Variants in ELAVL1 observed in about 807,000 individuals in gnomAD.
The protein encoded by ELAVL1 is ELAV-like protein 1.
In ELAVL1, 1 loss-of-function variant was observed where a neutral mutation model predicts 28.4. The observed-to-expected ratio is 0.04, with a 90% CI of 0.01 to 0.17. The LOEUF (loss-of-function observed/expected upper bound fraction) is 0.17, where lower values mean the gene tolerates loss of function less well. ELAVL1 is among the 10% of genes least tolerant of loss of function. ELAVL1 has a pLI of 1.00. For missense variants in ELAVL1, 157 were observed against 447.2 expected (o/e 0.35, Z 5.85); for synonymous variants, 174 against 183.5 (o/e 0.95, Z 0.42).
Position 7,962,216 on chromosome 19 carries a change from A to G in ELAVL1, c.*1267T>C, listed in dbSNP as rs956652451. ...ACGACTCCTCCCTGAATGCTGGGCC[A>G]CCTGCACCTTCCCTAGCCAAAAAGA... On this transcript the variant is annotated 3_prime_UTR_variant, in exon 6 of 6. Coordinates refer to ENST00000407627, the MANE Select transcript of ELAVL1 (RefSeq NM_001419.3). The G allele has an allele frequency of 6.5e-6, 1 of 153,764 alleles. No homozygotes were observed. Among genetic ancestry groups the G allele is most frequent in the African/African-American group, 2.4e-5 (1 of 41,444 alleles). 9.5% of individuals were successfully genotyped at this position (153,764 alleles called of 1,614,324 possible).
chr19:7,976,019 G>A (rs141563524), intron 3 of ELAVL1, among the ~76,000 whole-genome samples: 1,564 of 151,910 alleles, frequency 0.01, 16 homozygotes, highest in Non-Finnish European at 0.016. Flanking sequence ...CCTGAGCTCA[G>A]GAGTTTGAGG....
rs145068905 is a variant in ELAVL1 at position 7,981,314 on chromosome 19, C to A, written c.173-128G>T. 358 of 727,044 alleles carry A rather than the reference C, an allele frequency of 4.9e-4. 3 individuals are homozygous for A. The African/African-American group carries it at 5.9e-3, about 12-fold the overall frequency. 45.0% of individuals were successfully genotyped at this position (727,044 alleles called of 1,614,324 possible). A position where few individuals can be genotyped will look rare whatever the true frequency, so the allele number is the denominator to read the frequency against. Reference sequence around the variant, plus strand: ...TACAGGTGCTAGCAAACTTTATTTTCTTTGGCAAACACGTACATTTTCTGC... The same window carrying A: ...TACAGGTGCTAGCAAACTTTATTTTATTTGGCAAACACGTACATTTTCTGC... On this transcript the variant is annotated intron_variant, in intron 2 of 5. Coordinates refer to ENST00000407627, the MANE Select transcript of ELAVL1 (RefSeq NM_001419.3). The surrounding 1 kb of genome is among the most constrained non-coding windows in gnomAD (Gnocchi z 4.2).
intron 3 of ELAVL1, among the ~76,000 whole-genome samples, chr19:7,975,220 C>T (rs1985247317): frequency 6.6e-6 from 1 of 152,214 alleles, no homozygotes; most frequent in South Asian, 2.1e-4. Flanking sequence ...TCCGGGCTTG[C>T]CCTGGCTCCC....
chr19:7,963,818 G>A lies in ELAVL1; in HGVS notation c.657-11C>T. On this transcript the variant is annotated splice_polypyrimidine_tract_variant and intron_variant, in intron 5 of 5. Coordinates refer to ENST00000407627, the MANE Select transcript of ELAVL1 (RefSeq NM_001419.3). This position sits in a 1 kb window ranked among gnomAD's most constrained non-coding sequence, Gnocchi z 4.5. ...CCCATGGGGGAGAACCTGGCAGACAGAGAGCAAGCGTCAGGCCACGGTCAG... is the reference window on the plus strand; with the variant it reads ...CCCATGGGGGAGAACCTGGCAGACAAAGAGCAAGCGTCAGGCCACGGTCAG... 1 of 1,611,136 alleles carries A rather than the reference G, an allele frequency of 6.2e-7. No homozygotes were observed. The highest frequency in any genetic ancestry group is 2.2e-5 in the East Asian group (1 of 44,812).
At chr19:7,984,755 G>A (rs555184852) in intron 2 of ELAVL1, among the ~76,000 whole-genome samples, 4 of 152,342 alleles carry the variant, frequency 2.6e-5, no homozygotes, top group African/African-American at 9.6e-5. Context: ...AGGGATGAAG[G>A]TGCCCTGGTT....
In ELAVL1 at chr19:7,958,638, C is replaced by T. The variant is rs531603175; in HGVS notation, c.*4845G>A. 6 of 152,276 alleles carry T rather than the reference C, an allele frequency of 3.9e-5. No individual in the cohort carries two copies. Among genetic ancestry groups the T allele is most frequent in the East Asian group, 1.9e-4 (1 of 5,184 alleles). 9.4% of individuals were successfully genotyped at this position (152,276 alleles called of 1,614,324 possible). The stretch of plus-strand genomic sequence containing the variant: ...AATTCCAGTCATAGTTAACATACAG[C>T]GTTTAACACGAACCTGATACCTGTA... On this transcript the variant is annotated 3_prime_UTR_variant, in exon 6 of 6. Coordinates refer to ENST00000407627, the MANE Select transcript of ELAVL1 (RefSeq NM_001419.3).
chr19:7,971,582 C>G (rs1305716679), intron 4 of ELAVL1, among the ~76,000 whole-genome samples: 3 of 152,254 alleles, frequency 2.0e-5, no homozygotes, highest in Non-Finnish European at 1.5e-5. Context: ...CTGGTGCAGA[C>G]CAGGGGAGTT....
chr19:7,980,988 T>TA, intron 3 of ELAVL1, 95 bp downstream of exon 3: 1 of 1,255,820 alleles, frequency 8.0e-7, no homozygotes, highest in South Asian at 1.2e-5. Flanking sequence ...GCTGTGCTCA[T>TA]AGTCCCTTGG....
intron 1 of ELAVL1, among the ~76,000 whole-genome samples, chr19:7,998,205 T>A (rs1319001259): frequency 6.6e-6 from 1 of 152,154 alleles, no homozygotes; most frequent in East Asian, 1.9e-4. Context: ...TCATCAATCC[T>A]GGGCCAAATC....
intron 3 of ELAVL1, among the ~76,000 whole-genome samples, chr19:7,977,221 G>A (rs1002737839): frequency 3.3e-5 from 5 of 152,154 alleles, no homozygotes; most frequent in African/African-American, 1.2e-4. Context: ...CTGCTGTTCT[G>A]GTTCCTGAGG....
chr19:7,994,220 G>A (rs956367457), intron 1 of ELAVL1, among the ~76,000 whole-genome samples: 1 of 151,894 alleles, frequency 6.6e-6, no homozygotes, highest in African/African-American at 2.4e-5. Flanking sequence ...TTCACACTGG[G>A]CCATTCTGCC....
intron 1 of ELAVL1, 88 bp from the exon 2 acceptor site, chr19:7,991,919 A>AT: frequency 2.2e-6 from 2 of 905,920 alleles, no homozygotes; most frequent in Admixed American, 3.7e-5. Context: ...GCACTTAGAG[A>AT]TTTTCTTTCT....
At position 7,962,749 on chromosome 19, in the gene ELAVL1, C is replaced by A. The variant is rs760956269; in HGVS notation, c.*734G>T. The A allele has an allele frequency of 6.5e-6, 1 of 152,714 alleles. No individual in the cohort carries two copies. Among genetic ancestry groups the A allele is most frequent in the Non-Finnish European group, 1.5e-5 (1 of 68,060 alleles). 9.5% of individuals were successfully genotyped at this position (152,714 alleles called of 1,614,324 possible). A position where few individuals can be genotyped will look rare whatever the true frequency, so the allele number is the denominator to read the frequency against. ...GTCAGAGTAGCAACACATCTTCAGGCGTGCCTGGAGCTTAGATCTGACTCT... is the reference window on the plus strand; with the variant it reads ...GTCAGAGTAGCAACACATCTTCAGGAGTGCCTGGAGCTTAGATCTGACTCT... On this transcript the variant is annotated 3_prime_UTR_variant, in exon 6 of 6. Transcript: ENST00000407627.
intron 4 of ELAVL1, among the ~76,000 whole-genome samples, chr19:7,972,125 C>T (rs56204704): frequency 0.06 from 9,170 of 152,328 alleles, 289 homozygotes; most frequent in Non-Finnish European, 0.07. Flanking sequence ...ACCCATACAA[C>T]GCATGGGCCT....
At chr19:7,997,875 T>G (rs548739753) in intron 1 of ELAVL1, among the ~76,000 whole-genome samples, 5 of 152,096 alleles carry the variant, frequency 3.3e-5, no homozygotes, top group South Asian at 2.1e-4. Context: ...CACTAGAGCC[T>G]GGGAGGTCAA....
rs1984872238 is a variant in ELAVL1, at chr19:7,963,708, C to T, written c.756G>A (p.Gly252=). The change falls in exon 6 of 6, where the codon GGG becomes GGA. Residue 252 remains glycine, a synonymous_variant. Transcript: ENST00000407627. This position sits in a 1 kb window ranked among gnomAD's most constrained non-coding sequence, Gnocchi z 4.5. ...AGAGGATCCCCTCGTCGGCATCCTG[C>T]CCCAGGTTGTAGATGAAAATGCACC... ...SGWCIFIYNL[G]QDADEGILWQ... is the part of the protein sequence containing the mutation. The T allele has an allele frequency of 6.2e-7, 1 of 1,614,266 alleles. No individual in the cohort carries two copies. The highest frequency in any genetic ancestry group is 2.2e-5 in the East Asian group (1 of 44,882).
chr19:7,999,083 A>G (rs1304101349), intron 1 of ELAVL1, among the ~76,000 whole-genome samples: 1 of 152,180 alleles, frequency 6.6e-6, no homozygotes, highest in Non-Finnish European at 1.5e-5. Flanking sequence ...TTAAAAAGCT[A>G]CCTTCCTGGC....
chr19:7,963,824 A>T lies in ELAVL1; in HGVS notation c.657-17T>A. The T allele has an allele frequency of 6.2e-7, 1 of 1,610,412 alleles. No individual in the cohort carries two copies. The highest frequency in any genetic ancestry group is 8.5e-7 in the Non-Finnish European group (1 of 1,177,404). On this transcript the variant is annotated splice_polypyrimidine_tract_variant and intron_variant, in intron 5 of 5. Coordinates refer to ENST00000407627, the MANE Select transcript of ELAVL1 (RefSeq NM_001419.3). The surrounding 1 kb of genome is among the most constrained non-coding windows in gnomAD (Gnocchi z 4.5). ...GGGGAGAACCTGGCAGACAGAGAGC[A>T]AGCGTCAGGCCACGGTCAGCGCAGG...
chr19:7,968,531 C>T (rs1342566437), intron 4 of ELAVL1, among the ~76,000 whole-genome samples: 9 of 152,256 alleles, frequency 5.9e-5, no homozygotes, highest in Non-Finnish European at 1.3e-4. Flanking sequence ...TCCACAGGCT[C>T]GCCAGGCAGG....
Sources: allele counts gnomAD v4.1 joint callset (sites outside exome capture counted in the v4.1 genomes callset), GRCh38; gene constraint gnomAD v4.1.1; non-coding constraint Gnocchi (gnomAD v3.1); transcripts MANE v1.5; gene names NCBI Gene and HGNC (gene_info 2026-07-23, HGNC 2026-07-21).